Variants in MTMR12 observed in about 807,000 individuals in gnomAD.
MTMR12 encodes myotubularin-related protein 12.
In MTMR12, 33 loss-of-function variants were observed where a neutral mutation model predicts 96.7. That is an observed-to-expected ratio of 0.34 (90% CI 0.26 to 0.46). The LOEUF (loss-of-function observed/expected upper bound fraction) is 0.46, where lower values mean the gene tolerates loss of function less well. Ranked by LOEUF, MTMR12 falls within the 20% of genes least tolerant of loss-of-function variation. MTMR12 has a pLI of 1.00. For missense variants in MTMR12, 721 were observed against 896.1 expected (o/e 0.80, Z 2.49); for synonymous variants, 298 against 327.2 (o/e 0.91, Z 0.96).
rs540361187 is a variant in MTMR12 at position 32,279,788 on chromosome 5, C to T, written c.82-3046G>A. Among the ~76,000 whole-genome samples, 3 of 152,330 alleles carry T rather than the reference C, an allele frequency of 2.0e-5. No homozygotes were observed. The East Asian group carries it at 5.8e-4, about 29-fold the overall frequency. Reference sequence around the variant, plus strand: ...CAGGTCATTAGACATTACTTAGATTCTCATAGGGAGCGTGCAACCTGGATC... The same window carrying T: ...CAGGTCATTAGACATTACTTAGATTTTCATAGGGAGCGTGCAACCTGGATC... On this transcript the variant is annotated intron_variant, in intron 1 of 15. Coordinates refer to ENST00000382142, the MANE Select transcript of MTMR12 (RefSeq NM_001040446.3).
At position 32,248,816 on chromosome 5, in the gene MTMR12, T is replaced by C. The variant is rs1287513078; in HGVS notation, c.852A>G (p.Glu284=). The change falls in exon 9 of 16, where the codon GAA becomes GAG. Residue 284 remains glutamate, a synonymous_variant. Coordinates refer to ENST00000382142, the MANE Select transcript of MTMR12 (RefSeq NM_001040446.3). ...ALLKMSALPK[E]QDDGILQIQK... ...GGATTTGTAAAATGCCGTCATCCTGTTCTTTGGGCAGTGCTGACATTTTCA... is the reference window on the plus strand; with the variant it reads ...GGATTTGTAAAATGCCGTCATCCTGCTCTTTGGGCAGTGCTGACATTTTCA... 6.2e-7 allele frequency: 1 copy of C among 1,614,056 alleles called. No homozygotes were observed. Among genetic ancestry groups the C allele is most frequent in the East Asian group, 2.2e-5 (1 of 44,888 alleles).
rs113473276 is a variant in MTMR12, at chr5:32,286,478, C to T, written c.82-9736G>A. Among the ~76,000 whole-genome samples the T allele has an allele frequency of 2.5e-3, 373 of 152,124 alleles. 1 individual carries two copies. The highest frequency in any genetic ancestry group is 8.4e-3 in the African/African-American group (350 of 41,480). On this transcript the variant is annotated intron_variant, in intron 1 of 15. Transcript: ENST00000382142. ...GAGGCTGCAGGGAGCCATGACTGTG[C>T]CACTGTACTCCAGCCTGGGCGACAA...
At chr5:32,244,724 G>C (rs546210496) in intron 10 of MTMR12, among the ~76,000 whole-genome samples, 1 of 152,328 alleles carries the variant, frequency 6.6e-6, no homozygotes, top group South Asian at 2.1e-4. Context: ...TAATGTTTTA[G>C]TTTGAGTTAA....
chr5:32,253,030 A>C (rs1185591334), intron 8 of MTMR12, among the ~76,000 whole-genome samples: 1 of 152,218 alleles, frequency 6.6e-6, no homozygotes, highest in Non-Finnish European at 1.5e-5. Flanking sequence ...AGTCCAGATC[A>C]CCTAAAGCAG....
chr5:32,302,047 G>T (rs749448003), intron 1 of MTMR12, among the ~76,000 whole-genome samples: 3 of 152,132 alleles, frequency 2.0e-5, no homozygotes, highest in Non-Finnish European at 2.9e-5. Flanking sequence ...TCATCACTGT[G>T]GCCAGGGCTT....
chr5:32,229,697 T>G lies in MTMR12; in HGVS notation c.*81A>C. 9.6e-6 allele frequency: 13 copies of G among 1,358,990 alleles called. No homozygotes were observed. Among genetic ancestry groups the G allele is most frequent in the Non-Finnish European group, 1.3e-5 (13 of 1,028,114 alleles). 84.2% of individuals were successfully genotyped at this position (1,358,990 alleles called of 1,614,324 possible). A position where few individuals can be genotyped will look rare whatever the true frequency, so the allele number is the denominator to read the frequency against. ...TGCCGGGCTAAGGACCCAGCCAGCA[T>G]GAGCTGTAGCGTGACACAAATCCAG... is the stretch of plus-strand genomic sequence containing the variant. On this transcript the variant is annotated 3_prime_UTR_variant, in exon 16 of 16. Transcript: ENST00000382142.
At chr5:32,239,281 G>T in intron 12 of MTMR12, 108 bp from the exon 13 acceptor site, 1 of 1,136,454 alleles carries the variant, frequency 8.8e-7, no homozygotes, top group Non-Finnish European at 1.2e-6. Context: ...CCAACACCAA[G>T]GTCTACTATT....
chr5:32,281,440 G>T (rs1750290567), intron 1 of MTMR12, among the ~76,000 whole-genome samples: 1 of 151,970 alleles, frequency 6.6e-6, no homozygotes. Context: ...ACTACATTAG[G>T]AATATCTGAA....
At chr5:32,275,263 C>A (rs1277508421) in intron 2 of MTMR12, among the ~76,000 whole-genome samples, 1 of 152,092 alleles carries the variant, frequency 6.6e-6, no homozygotes, top group Non-Finnish European at 1.5e-5. Context: ...ACTAGGTCAG[C>A]CTCTCAAGAG....
At chr5:32,267,541 T>C (rs967952773) in intron 6 of MTMR12, among the ~76,000 whole-genome samples, 1 of 152,214 alleles carries the variant, frequency 6.6e-6, no homozygotes, top group African/African-American at 2.4e-5. Flanking sequence ...TGCTCTCTTT[T>C]TCACCAAACT....
rs866741800 is a variant in MTMR12, at chr5:32,312,745, G to A, written c.81+13C>T. ...CCCCTGCCCGACGCCCCGCCTGCGC[G>A]GCGCCCCCTCACCTCAGGGCGTACG... On this transcript the variant is annotated intron_variant, in intron 1 of 15. Coordinates refer to ENST00000382142, the MANE Select transcript of MTMR12 (RefSeq NM_001040446.3). This position sits in a 1 kb window ranked among gnomAD's most constrained non-coding sequence, Gnocchi z 5.0. 5.3e-6 allele frequency: 8 copies of A among 1,500,742 alleles called. No individual in the cohort carries two copies. The highest frequency in any genetic ancestry group is 6.2e-6 in the Non-Finnish European group (7 of 1,126,522). 93.0% of individuals were successfully genotyped at this position (1,500,742 alleles called of 1,614,324 possible).
Position 32,271,916 on chromosome 5 carries a change from C to A in MTMR12, c.286-11G>T. 6.8e-7 allele frequency: 1 copy of A among 1,463,752 alleles called. No individual in the cohort carries two copies. The highest frequency in any genetic ancestry group is 1.4e-5 in the African/African-American group (1 of 71,206). The allele number at this position is 1,463,752 out of a possible 1,614,324, so 90.7% of individuals were successfully genotyped here. A position where few individuals can be genotyped will look rare whatever the true frequency, so the allele number is the denominator to read the frequency against. ...CTTAAATTGAGTTTCCTAGAAGATTCAAAAGGAAACAACTGTGACTCCTCT... is the reference window on the plus strand; with the variant it reads ...CTTAAATTGAGTTTCCTAGAAGATTAAAAAGGAAACAACTGTGACTCCTCT... On this transcript the variant is annotated splice_polypyrimidine_tract_variant and intron_variant, in intron 3 of 15. Transcript: ENST00000382142.
chr5:32,297,478 AGC>A (rs1160833484), intron 1 of MTMR12, among the ~76,000 whole-genome samples: 14 of 152,170 alleles, frequency 9.2e-5, no homozygotes, highest in African/African-American at 3.4e-4. Flanking sequence ...CCAACAGCTA[AGC>A]AATACTTATT....
At chr5:32,304,087 C>T (rs1356908106) in intron 1 of MTMR12, among the ~76,000 whole-genome samples, 4 of 152,042 alleles carry the variant, frequency 2.6e-5, no homozygotes, top group Middle Eastern at 3.2e-3. Context: ...CTTTGGGAGC[C>T]GAGGCGGGCG....
rs753142565 is a variant in MTMR12 at position 32,230,087 on chromosome 5, A to G, written c.1935T>C (p.Arg645=). 6.2e-7 allele frequency: 1 copy of G among 1,612,978 alleles called. No individual in the cohort carries two copies. The highest frequency in any genetic ancestry group is 1.1e-5 in the South Asian group (1 of 91,018). Residue 645 remains arginine, a synonymous_variant, in exon 16 of 16, where the codon CGT becomes CGC. Coordinates refer to ENST00000382142, the MANE Select transcript of MTMR12 (RefSeq NM_001040446.3). The part of the protein sequence containing the change: ...EIKVWAQRYL[R]WIPEAQILGG... ...CTAGGATTTGGGCTTCTGGAATCCA[A>G]CGTAGGTAGCGCTGGGCCCAGACTT...
chr5:32,258,902 CAAAAAAAAAAAA>C (rs5867141), intron 7 of MTMR12, among the ~76,000 whole-genome samples: 1 of 90,592 alleles, frequency 1.1e-5, no homozygotes, highest in African/African-American at 3.8e-5. Flanking sequence ...TGGTCTTTCA[CAAAAAAAAAAAA>C]AAAAAAAAAA....
At position 32,238,782 on chromosome 5, in the gene MTMR12, C is replaced by CT. The variant is rs528844697; in HGVS notation, c.1344+218dup. On this transcript the variant is annotated intron_variant, in intron 13 of 15. Coordinates refer to ENST00000382142, the MANE Select transcript of MTMR12 (RefSeq NM_001040446.3). Reference sequence around the variant, plus strand: ...CTTGGTGTACACAATTTAGAAAACTCTGAACATACTTGTTAATATCTCTTT... The same window carrying CT: ...CTTGGTGTACACAATTTAGAAAACTCTTGAACATACTTGTTAATATCTCTTT... 3.5e-3 allele frequency among the ~76,000 whole-genome samples: 534 copies of CT among 152,330 alleles called. 1 individual carries two copies. Among genetic ancestry groups the CT allele is most frequent in the Non-Finnish European group, 5.2e-3 (354 of 68,034 alleles).
chr5:32,296,917 A>G (rs74637552), intron 1 of MTMR12, among the ~76,000 whole-genome samples: 2,254 of 152,128 alleles, frequency 0.015, 39 homozygotes, highest in East Asian at 0.071. Context: ...CCTGGCTAAC[A>G]TGGTGAAACC....
intron 11 of MTMR12, 55 bp from the exon 12 acceptor site, chr5:32,242,182 A>C (rs1748501782): frequency 2.2e-6 from 3 of 1,337,116 alleles, no homozygotes; most frequent in Middle Eastern, 1.8e-4. Flanking sequence ...TTGGTAACAC[A>C]AACACTACGT....
Sources: allele counts gnomAD v4.1 joint callset (sites outside exome capture counted in the v4.1 genomes callset), GRCh38; gene constraint gnomAD v4.1.1; non-coding constraint Gnocchi (gnomAD v3.1); transcripts MANE v1.5; gene names NCBI Gene and HGNC (gene_info 2026-07-23, HGNC 2026-07-21).